Variants in PWP1 observed in about 807,000 individuals in gnomAD.
PWP1 encodes PWP1 homolog, endonuclein.
PWP1 carries 47 observed loss-of-function variants against 69.9 expected under a neutral mutation model. The observed-to-expected ratio is 0.67, with a 90% CI of 0.53 to 0.86. PWP1 has a LOEUF of 0.86. PWP1 is among the 40% of genes least tolerant of loss of function. The probability of loss-of-function intolerance (pLI) is 0.00; values close to 1 mark genes in which losing one functional copy is unlikely to be tolerated. For synonymous variants in PWP1, 222 were observed against 208.2 expected, an observed-to-expected ratio of 1.07 and a Z score of -0.57; for missense variants, 551 against 608.8, an observed-to-expected ratio of 0.91 and a Z score of 1.00.
chr12:107,705,200 C>T (rs1889793845), intron 11 of PWP1, among the ~76,000 whole-genome samples: 1 of 151,990 alleles, frequency 6.6e-6, no homozygotes, highest in South Asian at 2.1e-4. Context: ...TGTCTAAATA[C>T]CCTTATTATC....
intron 11 of PWP1, among the ~76,000 whole-genome samples, chr12:107,707,565 T>C (rs1264152706): frequency 6.6e-6 from 1 of 152,190 alleles, no homozygotes; most frequent in Non-Finnish European, 1.5e-5. Context: ...TTTTGAGATA[T>C]GTCTCATCAA....
At chr12:107,700,118 A>G (rs925416041) in intron 8 of PWP1, among the ~76,000 whole-genome samples, 2 of 152,138 alleles carry the variant, frequency 1.3e-5, no homozygotes, top group African/African-American at 4.8e-5. Context: ...TGATTCCATT[A>G]CCTTCCACCT....
At chr12:107,696,141 T>G (rs1253630043) in intron 5 of PWP1, among the ~76,000 whole-genome samples, 1 of 150,702 alleles carries the variant, frequency 6.6e-6, no homozygotes, top group Non-Finnish European at 1.5e-5. Context: ...CAAGCTATTC[T>G]CCTGCCTCAG....
At position 107,693,061 on chromosome 12, in the gene PWP1, GAGCTGAACAGGACC is replaced by G; in HGVS notation, c.470_483del (p.Ala157ValfsTer9). 1 of 1,614,014 alleles carries G rather than the reference GAGCTGAACAGGACC, an allele frequency of 6.2e-7. No individual in the cohort carries two copies. Among genetic ancestry groups the G allele is most frequent in the Non-Finnish European group, 8.5e-7 (1 of 1,179,976 alleles). On this transcript the variant is annotated frameshift_variant, in exon 5 of 15. Coordinates refer to ENST00000412830, the MANE Select transcript of PWP1 (RefSeq NM_007062.3). LOFTEE classifies it high-confidence loss of function. Reference sequence around the variant, plus strand: ...AGTGATAATCTTATAGTTTGTGGCCGAGCTGAACAGGACCAGTGCAATTTAGAGGTGCATGGTAA... The same window carrying G: ...AGTGATAATCTTATAGTTTGTGGCCGAGTGCAATTTAGAGGTGCATGGTAA...
At chr12:107,697,386 A>T in intron 6 of PWP1, 81 bp from the exon 7 acceptor site, 2 of 1,366,238 alleles carry the variant, frequency 1.5e-6, no homozygotes, top group Non-Finnish European at 1.9e-6. Flanking sequence ...TTTTTCAGTT[A>T]ATCTACAGTA....
At chr12:107,687,609 A>G (rs975189198) in intron 1 of PWP1, among the ~76,000 whole-genome samples, 1 of 152,206 alleles carries the variant, frequency 6.6e-6, no homozygotes, top group Non-Finnish European at 1.5e-5. Context: ...CAAATGAGAG[A>G]AATTGGACAA....
At chr12:107,705,847 A>G (rs75899889) in intron 11 of PWP1, among the ~76,000 whole-genome samples, 1 of 103,036 alleles carries the variant, frequency 9.7e-6, no homozygotes. Flanking sequence ...ATGTATGTGC[A>G]CATATGCACA....
intron 1 of PWP1, among the ~76,000 whole-genome samples, chr12:107,687,938 G>A (rs181389546): frequency 1.3e-5 from 2 of 149,012 alleles, no homozygotes; most frequent in African/African-American, 4.9e-5. Context: ...GGCTAAGGCA[G>A]GAGAATCGCT....
chr12:107,693,112 C>G lies in PWP1; in HGVS notation c.502+16C>G, dbSNP rs776717722. ...GAGGTGCATGGTAAGTGATAAATCC[C>G]TTATTAAAAGATTTTCTAAGTGATG... On this transcript the variant is annotated intron_variant, in intron 5 of 14. Transcript: ENST00000412830. 6.4e-6 allele frequency: 10 copies of G among 1,571,380 alleles called. No individual in the cohort carries two copies. The South Asian group carries it at 1.2e-4, about 19-fold the overall frequency.
chr12:107,696,029 C>CTT (rs397700499), intron 5 of PWP1, among the ~76,000 whole-genome samples: 42,713 of 103,636 alleles, frequency 0.41, 10,854 homozygotes, highest in East Asian at 0.6. Context: ...ATATTGGAAT[C>CTT]TTTTTTTTTT....
chr12:107,703,873 T>A, intron 10 of PWP1, 127 bp downstream of exon 10: 1 of 817,770 alleles, frequency 1.2e-6, no homozygotes, highest in Non-Finnish European at 2.0e-6. Flanking sequence ...TTATTTGCAC[T>A]ACTTATTTTT....
intron 3 of PWP1, among the ~76,000 whole-genome samples, chr12:107,689,849 G>C (rs971689820): frequency 3.3e-5 from 5 of 152,150 alleles, no homozygotes; most frequent in Admixed American, 2.6e-4. Flanking sequence ...AAAGTGAGCT[G>C]AGATGACAAC....
At chr12:107,707,660 G>A (rs928093986) in intron 11 of PWP1, among the ~76,000 whole-genome samples, 8 of 152,158 alleles carry the variant, frequency 5.3e-5, no homozygotes. Context: ...TAATCATGTG[G>A]TTTTTGTCTT....
At chr12:107,702,847 C>T (rs1390504087) in intron 8 of PWP1, 88 bp from the exon 9 acceptor site, 2 of 802,268 alleles carry the variant, frequency 2.5e-6, no homozygotes, top group Non-Finnish European at 4.3e-6. Context: ...TTTATTCTTT[C>T]TGATGCTATT....
chr12:107,687,143 T>C (rs1889386777), intron 1 of PWP1, among the ~76,000 whole-genome samples: 1 of 152,178 alleles, frequency 6.6e-6, no homozygotes, highest in Admixed American at 6.5e-5. Flanking sequence ...TGTGATTGGC[T>C]TGGACATGGA....
At chr12:107,693,945 C>T (rs1390917009) in intron 5 of PWP1, among the ~76,000 whole-genome samples, 4 of 152,128 alleles carry the variant, frequency 2.6e-5, no homozygotes, top group African/African-American at 2.4e-5. Context: ...CAAAGGGCCA[C>T]GTTTCTTTTT....
At chr12:107,699,754 C>CT (rs1329817572) in intron 8 of PWP1, among the ~76,000 whole-genome samples, 1 of 152,168 alleles carries the variant, frequency 6.6e-6, no homozygotes, top group East Asian at 1.9e-4. Flanking sequence ...ACATTTTTCT[C>CT]TGTTTAGTTT....
rs764881362 is a variant in PWP1, at chr12:107,688,467, A to T, written c.92A>T (p.Glu31Val). 3.7e-6 allele frequency: 6 copies of T among 1,613,912 alleles called. No individual in the cohort carries two copies. The highest frequency in any genetic ancestry group is 4.2e-6 in the Non-Finnish European group (5 of 1,180,014). ...TTACAGGTAGAGCTGAGTAAAGAAG[A>T]AGTAAAACGCCTCATTGCTGAGGCA... ...TPDKVELSKE[E>V]VKRLIAEAKE... Residue 31 changes from glutamate (E) to valine (V), a missense_variant, in exon 2 of 15, where the codon GAA becomes GTA. Transcript: ENST00000412830.
intron 8 of PWP1, 131 bp downstream of exon 8, chr12:107,699,565 C>T (rs969604813): frequency 2.8e-6 from 2 of 705,144 alleles, no homozygotes; most frequent in Non-Finnish European, 2.4e-6. Context: ...GGATGCCCTG[C>T]TTGCAGGCAG....
Sources: allele counts gnomAD v4.1 joint callset (sites outside exome capture counted in the v4.1 genomes callset), GRCh38; gene constraint gnomAD v4.1.1; transcripts MANE v1.5; gene names NCBI Gene and HGNC (gene_info 2026-07-23, HGNC 2026-07-21).